CDH11: variants seen among roughly 807,000 people sequenced by gnomAD.
The protein encoded by CDH11 is cadherin-11.
CDH11 carries 11 observed loss-of-function variants against 67.8 expected under a neutral mutation model. The observed-to-expected ratio is 0.16, with a 90% confidence interval of 0.10 to 0.27. The LOEUF is 0.27. Among genes scored for constraint, CDH11 ranks in the 10% least tolerant of loss-of-function variants. The probability of loss-of-function intolerance (pLI) is 1.00; values close to 1 mark genes in which losing one functional copy is unlikely to be tolerated. For missense variants in CDH11, 847 were observed against 1,031.2 expected (o/e 0.82, Z 2.45); for synonymous variants, 419 against 400.0 (o/e 1.05, Z -0.57).
chr16:65,005,147 T>G (rs1338681476), intron 2 of CDH11, 106 bp from the exon 3 acceptor site: 27 of 1,069,416 alleles, frequency 2.5e-5, no homozygotes, highest in Non-Finnish European at 3.3e-5. Flanking sequence ...ACGTGGGAGC[T>G]ACGGGCTTTG....
intron 8 of CDH11, among the ~76,000 whole-genome samples, chr16:64,979,258 T>G (rs1342778949): frequency 6.6e-6 from 1 of 152,148 alleles, no homozygotes. Context: ...GAGACCAGCG[T>G]GGCCAACATG....
chr16:65,017,923 C>A (rs568203384), intron 2 of CDH11, among the ~76,000 whole-genome samples: 29 of 152,224 alleles, frequency 1.9e-4, no homozygotes, highest in African/African-American at 6.5e-4. Flanking sequence ...TTATTAAAAA[C>A]AAATCATGGT....
At chr16:65,046,902 G>T (rs986945633) in intron 2 of CDH11, among the ~76,000 whole-genome samples, 4 of 152,146 alleles carry the variant, frequency 2.6e-5, no homozygotes, top group Non-Finnish European at 5.9e-5. Context: ...GAGGCCAGGA[G>T]CTCGAGACCA....
At chr16:65,078,461 A>C (rs1191655897) in intron 1 of CDH11, among the ~76,000 whole-genome samples, 1 of 152,116 alleles carries the variant, frequency 6.6e-6, no homozygotes, top group Non-Finnish European at 1.5e-5. Flanking sequence ...GTATTATATC[A>C]TTCCCCCAAT....
chr16:64,965,817 C>A (rs1055481382), intron 11 of CDH11, among the ~76,000 whole-genome samples: 1 of 120,698 alleles, frequency 8.3e-6, no homozygotes, highest in Admixed American at 8.5e-5. Flanking sequence ...CACACACACA[C>A]AAGCTTATTT....
intron 1 of CDH11, among the ~76,000 whole-genome samples, chr16:65,072,946 C>T (rs74026246): frequency 0.01 from 1,581 of 152,302 alleles, 31 homozygotes; most frequent in African/African-American, 0.036. Context: ...GCAATGCACT[C>T]AGCACAGAGC....
intron 11 of CDH11, among the ~76,000 whole-genome samples, chr16:64,967,117 C>T (rs1398349608): frequency 6.6e-6 from 1 of 152,184 alleles, no homozygotes; most frequent in Non-Finnish European, 1.5e-5. Context: ...AATAAAACCT[C>T]ACCTGTTTTA....
chr16:65,021,049 C>T (rs1474611820), intron 2 of CDH11, among the ~76,000 whole-genome samples: 1 of 152,098 alleles, frequency 6.6e-6, no homozygotes, highest in Non-Finnish European at 1.5e-5. Flanking sequence ...AAGTCTTACC[C>T]CTCATTGGGA....
chr16:65,031,070 G>A (rs2073634290), intron 2 of CDH11, among the ~76,000 whole-genome samples: 1 of 152,214 alleles, frequency 6.6e-6, no homozygotes, highest in Non-Finnish European at 1.5e-5. Context: ...AGTTGATACA[G>A]TTCTCAGAAA....
chr16:64,998,927 T>C, intron 3 of CDH11, 71 bp from the exon 4 acceptor site: 1 of 1,226,510 alleles, frequency 8.2e-7, no homozygotes. Context: ...TACAAGTGAT[T>C]GCAACAATCT....
At chr16:65,011,051 G>GTA (rs1443000720) in intron 2 of CDH11, among the ~76,000 whole-genome samples, 1 of 114,660 alleles carries the variant, frequency 8.7e-6, no homozygotes, top group Non-Finnish European at 1.8e-5. Context: ...ATGTATATAT[G>GTA]TATATATATC....
At chr16:65,010,971 T>TA in intron 2 of CDH11, among the ~76,000 whole-genome samples, 1 of 127,928 alleles carries the variant, frequency 7.8e-6, no homozygotes, top group South Asian at 2.3e-4. Flanking sequence ...ATATATGTGT[T>TA]TATATATATA....
intron 1 of CDH11, among the ~76,000 whole-genome samples, chr16:65,059,294 T>G (rs1214247709): frequency 2.6e-5 from 4 of 152,220 alleles, no homozygotes; most frequent in African/African-American, 9.6e-5. Flanking sequence ...TATCTGTAAT[T>G]AGAAGAAGAC....
At chr16:64,985,594 A>G (rs1427910589) in intron 7 of CDH11, 7 of 151,790 alleles carry the variant, frequency 4.6e-5, no homozygotes, top group Admixed American at 4.6e-4. Flanking sequence ...TTCATGTCCC[A>G]TGTGCATAGG....
intron 1 of CDH11, among the ~76,000 whole-genome samples, chr16:65,062,378 A>C (rs1045367408): frequency 4.6e-5 from 7 of 152,246 alleles, no homozygotes; most frequent in African/African-American, 1.7e-4. Context: ...ACACACACAC[A>C]CAGAGACACA....
intron 2 of CDH11, among the ~76,000 whole-genome samples, chr16:65,052,304 A>C (rs955494744): frequency 2.0e-5 from 3 of 152,208 alleles, no homozygotes; most frequent in African/African-American, 7.2e-5. Context: ...ACAACTAAAA[A>C]GGCAATTACA....
Position 64,945,800 on chromosome 16 carries a change from C to G in CDH11, c.*1803G>C. On this transcript the variant is annotated 3_prime_UTR_variant, in exon 13 of 13. Coordinates refer to ENST00000268603, the MANE Select transcript of CDH11 (RefSeq NM_001797.4). ...ACTAAATCATAAAAATAGTACATAA[C>G]ATGATATCAAGAAATGCTTGAAACA... The G allele has an allele frequency of 9.6e-7, 1 of 1,046,222 alleles. No individual in the cohort carries two copies. Among genetic ancestry groups the G allele is most frequent in the Non-Finnish European group, 1.2e-6 (1 of 867,082 alleles). The allele number at this position is 1,046,222 out of a possible 1,614,324, so 64.8% of individuals were successfully genotyped here. A position where few individuals can be genotyped will look rare whatever the true frequency, so the allele number is the denominator to read the frequency against.
intron 1 of CDH11, among the ~76,000 whole-genome samples, chr16:65,056,934 A>T (rs1308935866): frequency 6.6e-6 from 1 of 152,228 alleles, no homozygotes; most frequent in African/African-American, 2.4e-5. Flanking sequence ...TTTGGAAGAA[A>T]AGCAAAAATA....
At chr16:65,046,714 C>T (rs962568025) in intron 2 of CDH11, among the ~76,000 whole-genome samples, 3 of 152,128 alleles carry the variant, frequency 2.0e-5, no homozygotes, top group Non-Finnish European at 4.4e-5. Context: ...GTTATTTGGG[C>T]AACTTTTCTG....
Sources: allele counts gnomAD v4.1 joint callset (sites outside exome capture counted in the v4.1 genomes callset), GRCh38; gene constraint gnomAD v4.1.1; transcripts MANE v1.5; gene names NCBI Gene and HGNC (gene_info 2026-07-23, HGNC 2026-07-21).